Variants in PCNT observed in about 807,000 individuals in gnomAD.
PCNT encodes kendrin.
Under a neutral mutation model 380.4 loss-of-function variants are expected in PCNT, and 319 were observed. The ratio of observed to expected loss-of-function variants is 0.84; its 90% CI spans 0.77 to 0.92. The LOEUF (loss-of-function observed/expected upper bound fraction) is 0.92, where lower values mean the gene tolerates loss of function less well. PCNT is among the 40% of genes least tolerant of loss of function. The probability of loss-of-function intolerance (pLI) is 0.00; values close to 1 mark genes in which losing one functional copy is unlikely to be tolerated. For synonymous variants in PCNT, 1,845 were observed against 1,735.2 expected, an observed-to-expected ratio of 1.06 and a Z score of -1.57; for missense variants, 4,400 against 4,255.3, an observed-to-expected ratio of 1.03 and a Z score of -0.95.
Position 46,370,630 on chromosome 21 carries a change from G to A in PCNT, c.3165+3491G>A, listed in dbSNP as rs958248390. Among the ~76,000 whole-genome samples, 5 of 152,156 alleles carry A rather than the reference G, an allele frequency of 3.3e-5. No individual in the cohort carries two copies. In the South Asian group the frequency reaches 1.0e-3, roughly 31 times the overall value. ...CTCTTATAAATCTGCACACGGGCTGGGCTTGGGGCTCATGCCTGTAATCCC... is the reference window on the plus strand; with the variant it reads ...CTCTTATAAATCTGCACACGGGCTGAGCTTGGGGCTCATGCCTGTAATCCC... On this transcript the variant is annotated intron_variant, in intron 15 of 46. Coordinates refer to ENST00000359568, the MANE Select transcript of PCNT (RefSeq NM_006031.6).
Position 46,411,637 on chromosome 21 carries a change from G to C in PCNT, c.5564G>C (p.Arg1855Pro). The change falls in exon 28 of 47, where the codon CGG becomes CCG. Residue 1855 changes from arginine (R) to proline (P), a missense_variant. Coordinates refer to ENST00000359568, the MANE Select transcript of PCNT (RefSeq NM_006031.6). ...REAEVEDMAS[R>P]IQEFEAALKA... ...GCTGAGGTCGAAGACATGGCCTCCC[G>C]GATCCAGGAGTTCGAAGCGGCCCTG... 1 of 1,613,056 alleles carries C rather than the reference G, an allele frequency of 6.2e-7. No individual in the cohort carries two copies. Among genetic ancestry groups the C allele is most frequent in the Non-Finnish European group, 8.5e-7 (1 of 1,179,874 alleles).
At chr21:46,361,843 G>A (rs1436629752) in intron 13 of PCNT, among the ~76,000 whole-genome samples, 1 of 152,058 alleles carries the variant, frequency 6.6e-6, no homozygotes, top group Non-Finnish European at 1.5e-5. Context: ...TCTTGTTCAG[G>A]ATTTAAAGAT....
chr21:46,433,418 T>G (rs1209753094), intron 38 of PCNT, among the ~76,000 whole-genome samples: 1 of 152,000 alleles, frequency 6.6e-6, no homozygotes, highest in African/African-American at 2.4e-5. Context: ...ATAGTCGTAG[T>G]TTTTTTTATC....
At chr21:46,377,159 G>C (rs1033847486) in intron 15 of PCNT, among the ~76,000 whole-genome samples, 3 of 152,216 alleles carry the variant, frequency 2.0e-5, no homozygotes, top group Admixed American at 2.0e-4. Flanking sequence ...TGTTGCCCCA[G>C]TTACTTCAGA....
At position 46,324,960 on chromosome 21, in the gene PCNT, C is replaced by T. The variant is rs1434047715; in HGVS notation, c.54+678C>T. 6.1e-6 allele frequency: 6 copies of T among 976,514 alleles called. No homozygotes were observed. In the African/African-American group the frequency reaches 9.2e-5, roughly 15 times the overall value. The allele number at this position is 976,514 out of a possible 1,614,324, so 60.5% of individuals were successfully genotyped here. Reference sequence around the variant, plus strand: ...GCCGTCTTCTTCCCGCGCCCTTGGGCTCGCGTCCTGCCCGTCCGGGCCTGG... The same window carrying T: ...GCCGTCTTCTTCCCGCGCCCTTGGGTTCGCGTCCTGCCCGTCCGGGCCTGG... On this transcript the variant is annotated intron_variant, in intron 1 of 46. Coordinates refer to ENST00000359568, the MANE Select transcript of PCNT (RefSeq NM_006031.6).
At chr21:46,353,764 G>C (rs866963937) in intron 10 of PCNT, among the ~76,000 whole-genome samples, 1 of 137,576 alleles carries the variant, frequency 7.3e-6, no homozygotes, top group South Asian at 2.1e-4. Flanking sequence ...GAGAGACAGA[G>C]AGAGAGTCAG....
At chr21:46,324,990 C>T (rs1362893681) in intron 1 of PCNT, 1 of 649,380 alleles carries the variant, frequency 1.5e-6, no homozygotes, top group African/African-American at 8.1e-5. Flanking sequence ...GCCTGGCGTA[C>T]GCTGCCGGGA....
intron 12 of PCNT, 125 bp from the exon 13 acceptor site, chr21:46,356,849 G>T: frequency 1.3e-6 from 1 of 794,932 alleles, no homozygotes. Context: ...TCAGCACAGA[G>T]CTTGAAAATC....
In PCNT at chr21:46,357,094, C is replaced by T. The variant is rs748800638; in HGVS notation, c.2057C>T (p.Thr686Ile). 6.2e-7 allele frequency: 1 copy of T among 1,613,736 alleles called. No individual in the cohort carries two copies. Residue 686 changes from threonine (T) to isoleucine (I), a missense_variant, in exon 13 of 47, where the codon ACT becomes ATT. Coordinates refer to ENST00000359568, the MANE Select transcript of PCNT (RefSeq NM_006031.6). ...AAGGTGCAACTTTCGCTTCTTCAGACTGAGCTCAAAGAAGAAATTGAACTC... is the reference window on the plus strand; with the variant it reads ...AAGGTGCAACTTTCGCTTCTTCAGATTGAGCTCAAAGAAGAAATTGAACTC... ...EHKVQLSLLQ[T>I]ELKEEIELLK... is the part of the protein sequence containing the mutation.
In PCNT at chr21:46,407,436, G is replaced by C. The variant is rs563001994; in HGVS notation, c.5116-3753G>C. On this transcript the variant is annotated intron_variant, in intron 27 of 46. Transcript: ENST00000359568. ...GGCTCCCTGCAACCTCCGCCTCCCG[G>C]GTTCAAGTGAGTCTCCTGCCTCAGC... Among the ~76,000 whole-genome samples, 16 of 141,392 alleles carry C rather than the reference G, an allele frequency of 1.1e-4. 1 individual carries two copies. In the Admixed American group the frequency reaches 1.2e-3, roughly 10 times the overall value. 92.8% of individuals were successfully genotyped at this position (141,392 alleles called of 152,430 possible).
intron 41 of PCNT, among the ~76,000 whole-genome samples, 172 bp from the exon 42 acceptor site, chr21:46,439,911 G>A (rs1008234006): frequency 2.0e-5 from 3 of 152,196 alleles, no homozygotes; most frequent in Non-Finnish European, 2.9e-5. Context: ...ACAGCACGGC[G>A]TAACCTAGGC....
intron 15 of PCNT, among the ~76,000 whole-genome samples, chr21:46,371,869 A>G (rs547812236): frequency 0.055 from 7,166 of 130,516 alleles, 218 homozygotes; most frequent in Non-Finnish European, 0.067. Flanking sequence ...GCATGTGTGC[A>G]CACACACAGC....
chr21:46,398,814 CTTTTTCT>C (rs2086296521), intron 24 of PCNT, among the ~76,000 whole-genome samples: 1 of 136,748 alleles, frequency 7.3e-6, no homozygotes, highest in Non-Finnish European at 1.5e-5. Context: ...CTTTTTTTTT[CTTTTTCT>C]TTTTTTTTTT....
At chr21:46,371,869 A>ACACACACAGCACATG (rs1002878499) in intron 15 of PCNT, among the ~76,000 whole-genome samples, 20 of 130,528 alleles carry the variant, frequency 1.5e-4, no homozygotes, top group African/African-American at 6.4e-4. Context: ...GCATGTGTGC[A>ACACACACAGCACATG]CACACACAGC....
In PCNT at chr21:46,357,172, T is replaced by C. The variant is rs1258180357; in HGVS notation, c.2135T>C (p.Leu712Pro). 1.9e-6 allele frequency: 3 copies of C among 1,611,976 alleles called. No homozygotes were observed. Among genetic ancestry groups the C allele is most frequent in the East Asian group, 2.2e-5 (1 of 44,860 alleles). The stretch of plus-strand genomic sequence containing the variant: ...GGGAAGTTGCAGCATGAAACTCGTC[T>C]GAAGGACGATTTGGAGAAGGTGAGT... ...LYGKLQHETR[L>P]KDDLEKVKHN... Residue 712 changes from leucine (L) to proline (P), a missense_variant, in exon 13 of 47, where the codon CTG (leucine) becomes CCG (proline). Transcript: ENST00000359568.
At chr21:46,432,295 C>T (rs992256351) in intron 38 of PCNT, 80 bp downstream of exon 38, 23 of 1,376,676 alleles carry the variant, frequency 1.7e-5, no homozygotes, top group South Asian at 1.1e-4. Flanking sequence ...GTGGGGGACG[C>T]GAGATTTATG....
Position 46,401,617 on chromosome 21 carries a change from C to G in PCNT, c.4858C>G (p.Leu1620Val), listed in dbSNP as rs1200713284. The change falls in exon 26 of 47, where the codon CTA becomes GTA. Residue 1620 changes from leucine to valine, a missense_variant. By Grantham distance (32) the Leu-to-Val change is conservative. Transcript: ENST00000359568. ...LLLASTLQSTLDAGRCPEPPS... is the reference protein window; with the variant it reads ...LLLASTLQSTVDAGRCPEPPS... ...TCTGGCGTCCACGTTGCAGTCTACA[C>G]TAGATGCAGGCAGATGTCCCGAGCC... The G allele has an allele frequency of 1.2e-6, 2 of 1,613,910 alleles. No individual in the cohort carries two copies. Among genetic ancestry groups the G allele is most frequent in the Non-Finnish European group, 1.7e-6 (2 of 1,179,810 alleles).
intron 35 of PCNT, 119 bp downstream of exon 35, chr21:46,428,709 A>G: frequency 1.1e-6 from 1 of 914,710 alleles, no homozygotes; most frequent in South Asian, 1.4e-5. Context: ...CAAGCCCCTG[A>G]GTGTTGCCAT....
intron 14 of PCNT, among the ~76,000 whole-genome samples, chr21:46,364,417 C>A (rs1283118831): frequency 6.8e-6 from 1 of 146,392 alleles, no homozygotes; most frequent in African/African-American, 2.5e-5. Context: ...CCCCCCAAGT[C>A]TGCACTCCCT....
Sources: gnomAD v4.1 joint callset for allele counts (sites outside exome capture counted in the v4.1 genomes callset) on GRCh38, gnomAD v4.1.1 for gene constraint, MANE v1.5 for transcripts, NCBI Gene and HGNC (gene_info 2026-07-23, HGNC 2026-07-21) for gene names.